The following USP39 variants were observed in gnomAD, a reference collection of about 807,000 sequenced individuals.
The protein encoded by USP39 is ubiquitin specific peptidase 39, also known as ubiquitin carboxyl-terminal hydrolase 39.
USP39 carries 38 observed loss-of-function variants against 66.4 expected under a neutral mutation model. That is an observed-to-expected ratio of 0.57 (90% CI 0.44 to 0.75). USP39 has a LOEUF of 0.75. Ranked by LOEUF, USP39 falls within the 30% of genes least tolerant of loss-of-function variation. USP39 has a pLI of 0.00. For missense variants in USP39, 608 were observed against 714.4 expected (o/e 0.85, Z 1.70); for synonymous variants, 303 against 274.6 (o/e 1.10, Z -1.02).
At chr2:85,632,590 G>A (rs1423050140) in intron 6 of USP39, among the ~76,000 whole-genome samples, 2 of 151,896 alleles carry the variant, frequency 1.3e-5, no homozygotes, top group Non-Finnish European at 2.9e-5. Context: ...TGGGCCTACA[G>A]GTGCGTGCCA....
At chr2:85,633,211 C>T (rs1005764175) in intron 6 of USP39, among the ~76,000 whole-genome samples, 3 of 150,532 alleles carry the variant, frequency 2.0e-5, no homozygotes, top group Admixed American at 6.6e-5. Flanking sequence ...ACCTCTGTCT[C>T]CCCAGTTCAA....
At position 85,648,949 on chromosome 2, in the gene USP39, C is replaced by T; in HGVS notation, c.*141C>T. 1.1e-6 allele frequency: 1 copy of T among 921,800 alleles called. No individual in the cohort carries two copies. The allele number at this position is 921,800 out of a possible 1,614,324, so 57.1% of individuals were successfully genotyped here. ...TATGGGTTCTGGCTACACCAGAGCA[C>T]CAAGAGCCCACTTGCCTGGGATGGC... On this transcript the variant is annotated 3_prime_UTR_variant, in exon 13 of 13. Transcript: ENST00000323701.
At chr2:85,618,097 C>A (rs191834651) in intron 1 of USP39, among the ~76,000 whole-genome samples, 270 of 152,060 alleles carry the variant, frequency 1.8e-3, no homozygotes, top group Admixed American at 2.9e-3. Context: ...TGGGATTACA[C>A]GTGCATGCCA....
At chr2:85,607,738 C>T (rs1673269130), upstream of USP39, 1 of 152,204 alleles carries the variant, frequency 6.6e-6, no homozygotes, top group Admixed American at 6.5e-5. Flanking sequence ...TTCTCAAAGG[C>T]TTAAAGCCAT....
chr2:85,634,269 T>G (rs1325031170), intron 6 of USP39, among the ~76,000 whole-genome samples: 2 of 151,966 alleles, frequency 1.3e-5, no homozygotes, highest in African/African-American at 4.8e-5. Context: ...GGTTACAACA[T>G]GGCCAATGAA....
chr2:85,620,373 G>A (rs140533489), intron 2 of USP39, among the ~76,000 whole-genome samples: 3 of 151,780 alleles, frequency 2.0e-5, no homozygotes, highest in African/African-American at 7.3e-5. Context: ...CAGCTTCTTG[G>A]GGGGCTGAAG....
intron 10 of USP39, 49 bp from the exon 11 acceptor site, chr2:85,644,899 C>T: frequency 6.2e-7 from 1 of 1,609,218 alleles, no homozygotes; most frequent in Non-Finnish European, 8.5e-7. Flanking sequence ...GTTTCCTTAA[C>T]CTCACAGCCT....
At chr2:85,637,075 A>G (rs1038661955) in intron 7 of USP39, among the ~76,000 whole-genome samples, 2 of 151,988 alleles carry the variant, frequency 1.3e-5, no homozygotes, top group African/African-American at 2.4e-5. Context: ...TTTTTTTGTA[A>G]TTCATGTATC....
At chr2:85,608,985 C>A, upstream of USP39, 1 of 1,614,210 alleles carries the variant, frequency 6.2e-7, no homozygotes, top group Non-Finnish European at 8.5e-7. Flanking sequence ...CTCCTGGATA[C>A]GCAACTTGAG....
At chr2:85,641,532 A>C (rs1676229385) in intron 10 of USP39, among the ~76,000 whole-genome samples, 1 of 152,204 alleles carries the variant, frequency 6.6e-6, no homozygotes, top group Non-Finnish European at 1.5e-5. Context: ...CTTCCAACTC[A>C]GAAAACTTCT....
chr2:85,618,360 G>A (rs1210772660), intron 1 of USP39, among the ~76,000 whole-genome samples: 2 of 151,732 alleles, frequency 1.3e-5, no homozygotes, highest in African/African-American at 2.4e-5. Context: ...TCAGGAGTTC[G>A]AGACCAGCCT....
intron 3 of USP39, among the ~76,000 whole-genome samples, chr2:85,622,009 G>T (rs1433259386): frequency 6.6e-6 from 1 of 152,008 alleles, no homozygotes; most frequent in Non-Finnish European, 1.5e-5. Context: ...TAGTAGAAAC[G>T]GGGTTTCACC....
At chr2:85,633,602 CA>C (rs1675535537) in intron 6 of USP39, among the ~76,000 whole-genome samples, 1 of 151,904 alleles carries the variant, frequency 6.6e-6, no homozygotes, top group African/African-American at 2.4e-5. Flanking sequence ...CCTATATCTA[CA>C]AAAAATTTTT....
chr2:85,648,024 G>C lies in USP39; in HGVS notation c.1650+8G>C, dbSNP rs1346476275. On this transcript the variant is annotated splice_region_variant and intron_variant, in intron 12 of 12. Transcript: ENST00000323701. Reference sequence around the variant, plus strand: ...TCAGAGGCTTACATTCAGGTGGGTTGGCCACAGGCTTAGTGAGCCACAAAT... The same window carrying C: ...TCAGAGGCTTACATTCAGGTGGGTTCGCCACAGGCTTAGTGAGCCACAAAT... The C allele has an allele frequency of 6.2e-7, 1 of 1,614,028 alleles. No homozygotes were observed. The highest frequency in any genetic ancestry group is 8.5e-7 in the Non-Finnish European group (1 of 1,179,996).
intron 5 of USP39, among the ~76,000 whole-genome samples, chr2:85,629,169 T>C (rs1675116124): frequency 6.6e-6 from 1 of 151,960 alleles, no homozygotes; most frequent in Admixed American, 6.6e-5. Context: ...GTCTAAGTGA[T>C]TCTCCTGCCT....
chr2:85,639,588 G>A, intron 9 of USP39, 197 bp downstream of exon 9: 1 of 489,752 alleles, frequency 2.0e-6, no homozygotes, highest in Non-Finnish European at 3.5e-6. Flanking sequence ...CCTAGTAGCT[G>A]GGATTACAGA....
intron 1 of USP39, among the ~76,000 whole-genome samples, chr2:85,616,962 T>TTTG (rs1197496750): frequency 2.0e-5 from 3 of 152,080 alleles, no homozygotes; most frequent in Admixed American, 6.6e-5. Flanking sequence ...AGTGCTGGGA[T>TTTG]TACAGGCGTG....
At chr2:85,624,316 T>G (rs574582907) in intron 4 of USP39, among the ~76,000 whole-genome samples, 82 of 151,982 alleles carry the variant, frequency 5.4e-4, no homozygotes, top group African/African-American at 1.9e-3. Context: ...GCACGTGGGG[T>G]GTATTCATGG....
At chr2:85,623,616 T>C in intron 3 of USP39, 30 bp from the exon 4 acceptor site, 1 of 1,602,446 alleles carries the variant, frequency 6.2e-7, no homozygotes, top group Non-Finnish European at 8.5e-7. Context: ...TATCTGCCCT[T>C]CTATTACAGC....
Sources: allele counts gnomAD v4.1 joint callset (sites outside exome capture counted in the v4.1 genomes callset), GRCh38; gene constraint gnomAD v4.1.1; transcripts MANE v1.5; gene names NCBI Gene and HGNC (gene_info 2026-07-23, HGNC 2026-07-21).